Variants in GALNTL6 observed in about 807,000 individuals in gnomAD.
The protein encoded by GALNTL6 is polypeptide N-acetylgalactosaminyltransferase-like 6.
In GALNTL6, 46 loss-of-function variants were observed where a neutral mutation model predicts 73.7. The ratio of observed to expected loss-of-function variants is 0.62; its 90% confidence interval spans 0.49 to 0.80. The LOEUF is 0.80. Among genes scored for constraint, GALNTL6 ranks in the 30% least tolerant of loss-of-function variants. GALNTL6 has a pLI of 0.00. For missense variants in GALNTL6, 604 were observed against 755.0 expected (o/e 0.80, Z 2.34); for synonymous variants, 259 against 263.7 (o/e 0.98, Z 0.17).
At chr4:172,500,727 C>T (rs561053983) in intron 5 of GALNTL6, among the ~76,000 whole-genome samples, 21 of 150,692 alleles carry the variant, frequency 1.4e-4, no homozygotes, top group South Asian at 1.1e-3. Context: ...TAACTTAAGA[C>T]GGCTTGGAAC....
intron 2 of GALNTL6, among the ~76,000 whole-genome samples, chr4:172,100,886 A>C (rs1396136380): frequency 6.6e-6 from 1 of 152,172 alleles, no homozygotes; most frequent in African/African-American, 2.4e-5. Context: ...GTATGGAAGT[A>C]GGAGGGTGGA....
At position 172,410,433 on chromosome 4, in the gene GALNTL6, A is replaced by C. The variant is rs150999277; in HGVS notation, c.553+61744A>C. Among the ~76,000 whole-genome samples, 442 of 152,172 alleles carry C rather than the reference A, an allele frequency of 2.9e-3. 1 individual carries two copies. Among genetic ancestry groups the C allele is most frequent in the African/African-American group, 0.01 (422 of 41,564 alleles). On this transcript the variant is annotated intron_variant, in intron 5 of 12. Coordinates refer to ENST00000506823, the MANE Select transcript of GALNTL6 (RefSeq NM_001034845.3). ...ATAATCTTGGTTATTGCTCCGAAAA[A>C]TATCTCTTAAAATATTATTGGTCTT... is the stretch of plus-strand genomic sequence containing the variant.
chr4:172,844,502 C>T (rs190134445), intron 7 of GALNTL6, among the ~76,000 whole-genome samples: 25 of 152,274 alleles, frequency 1.6e-4, no homozygotes, highest in South Asian at 2.1e-4. Context: ...CTCCTCACGC[C>T]GGATTTTAGT....
chr4:172,001,019 A>G (rs1198769043), intron 2 of GALNTL6, among the ~76,000 whole-genome samples: 1 of 152,190 alleles, frequency 6.6e-6, no homozygotes, highest in Non-Finnish European at 1.5e-5. Context: ...TCTGTGTTAC[A>G]TTCTATCAGT....
At chr4:172,836,441 C>T (rs150945661) in intron 7 of GALNTL6, among the ~76,000 whole-genome samples, 1 of 152,168 alleles carries the variant, frequency 6.6e-6, no homozygotes, top group African/African-American at 2.4e-5. Context: ...GTGCCATGCT[C>T]CAAAGCATGA....
At chr4:172,599,460 T>C (rs1282740501) in intron 5 of GALNTL6, among the ~76,000 whole-genome samples, 1 of 152,150 alleles carries the variant, frequency 6.6e-6, no homozygotes, top group Admixed American at 6.6e-5. Flanking sequence ...AAGAATAAAA[T>C]CTGAGACCCT....
intron 5 of GALNTL6, among the ~76,000 whole-genome samples, chr4:172,687,454 C>G (rs1732987324): frequency 6.6e-6 from 1 of 151,744 alleles, no homozygotes; most frequent in Admixed American, 6.6e-5. Flanking sequence ...ACAGTGAAAC[C>G]CCGTCTCTAC....
intron 7 of GALNTL6, among the ~76,000 whole-genome samples, chr4:172,882,255 A>G (rs1745495413): frequency 6.6e-6 from 1 of 152,202 alleles, no homozygotes; most frequent in African/African-American, 2.4e-5. Context: ...ACATTAAACA[A>G]CTAATTCTGG....
intron 5 of GALNTL6, among the ~76,000 whole-genome samples, chr4:172,791,368 A>C (rs76224423): frequency 7.9e-4 from 121 of 152,294 alleles, no homozygotes; most frequent in African/African-American, 2.7e-3. Context: ...TCCTCCATTG[A>C]AAATATAGAA....
intron 5 of GALNTL6, among the ~76,000 whole-genome samples, chr4:172,382,601 G>T (rs1743323380): frequency 6.6e-6 from 1 of 151,824 alleles, no homozygotes; most frequent in African/African-American, 2.4e-5. Context: ...TTAAAATTTT[G>T]ATAAAGTTCA....
chr4:172,416,901 G>A (rs1333225077), intron 5 of GALNTL6, among the ~76,000 whole-genome samples: 1 of 152,032 alleles, frequency 6.6e-6, no homozygotes, highest in East Asian at 1.9e-4. Context: ...TAAAAACGGG[G>A]TAATTGTTTC....
At position 172,560,192 on chromosome 4, in the gene GALNTL6, A is replaced by G. The variant is rs138503609; in HGVS notation, c.553+211503A>G. Among the ~76,000 whole-genome samples the G allele has an allele frequency of 5.0e-3, 757 of 152,282 alleles. 4 individuals carry two copies. Among genetic ancestry groups the G allele is most frequent in the African/African-American group, 0.017 (699 of 41,564 alleles). On this transcript the variant is annotated intron_variant, in intron 5 of 12. Coordinates refer to ENST00000506823, the MANE Select transcript of GALNTL6 (RefSeq NM_001034845.3). ...TCTTAGTTTAAAAGAAGCAGAAGTG[A>G]GGTGGCCAAGCGTGATGGTTCACGG...
intron 5 of GALNTL6, among the ~76,000 whole-genome samples, chr4:172,414,869 G>A (rs1414796620): frequency 6.6e-6 from 1 of 152,108 alleles, no homozygotes; most frequent in Non-Finnish European, 1.5e-5. Flanking sequence ...GCCTTAAATT[G>A]ACTTTTATCT....
At chr4:172,737,770 G>A (rs1736555308) in intron 5 of GALNTL6, among the ~76,000 whole-genome samples, 1 of 152,116 alleles carries the variant, frequency 6.6e-6, no homozygotes, top group African/African-American at 2.4e-5. Context: ...GAATACATTT[G>A]CTTAGCAATT....
At chr4:172,858,115 A>G (rs1009443120) in intron 7 of GALNTL6, among the ~76,000 whole-genome samples, 1 of 152,190 alleles carries the variant, frequency 6.6e-6, no homozygotes, top group African/African-American at 2.4e-5. Context: ...GCATTTTTCA[A>G]TGGCACAGCA....
At chr4:172,283,182 G>A (rs929064344) in intron 3 of GALNTL6, among the ~76,000 whole-genome samples, 1 of 152,166 alleles carries the variant, frequency 6.6e-6, no homozygotes, top group Non-Finnish European at 1.5e-5. Flanking sequence ...AAACACATGA[G>A]TGAGACAAAG....
In GALNTL6 at chr4:172,069,607, A is replaced by ATATATAACACATATATGTGT. The variant is rs1161728396; in HGVS notation, c.139-160043_139-160042insACACATATATGTGTTATATA. ...ATTATATATATAACACATATATGTT[A>ATATATAACACATATATGTGT]TATATATATAACATATATATATATC... On this transcript the variant is annotated intron_variant, in intron 2 of 12. Transcript: ENST00000506823. 6.6e-5 allele frequency among the ~76,000 whole-genome samples: 4 copies of ATATATAACACATATATGTGT among 60,720 alleles called. 1 individual carries two copies. Among genetic ancestry groups the ATATATAACACATATATGTGT allele is most frequent in the Admixed American group, 6.2e-4 (3 of 4,814 alleles). 39.8% of individuals were successfully genotyped at this position (60,720 alleles called of 152,430 possible).
At chr4:172,537,554 C>T (rs1379339497) in intron 5 of GALNTL6, among the ~76,000 whole-genome samples, 1 of 152,188 alleles carries the variant, frequency 6.6e-6, no homozygotes, top group East Asian at 1.9e-4. Flanking sequence ...TCCTCTAAAG[C>T]TCTTTTTCTT....
intron 10 of GALNTL6, among the ~76,000 whole-genome samples, chr4:173,008,702 G>A (rs1355640396): frequency 6.6e-6 from 1 of 152,226 alleles, no homozygotes; most frequent in Non-Finnish European, 1.5e-5. Context: ...CATGGGACAG[G>A]GAGATGAAGA....
Sources: allele counts gnomAD v4.1 joint callset (sites outside exome capture counted in the v4.1 genomes callset), GRCh38; gene constraint gnomAD v4.1.1; transcripts MANE v1.5; gene names NCBI Gene and HGNC (gene_info 2026-07-23, HGNC 2026-07-21).